The following RIC1 variants were observed in gnomAD, a reference collection of about 807,000 sequenced individuals.
RIC1 encodes guanine nucleotide exchange factor subunit RIC1.
In RIC1, 88 loss-of-function variants were observed where a neutral mutation model predicts 169.0. That is an observed-to-expected ratio of 0.52 (90% confidence interval 0.44 to 0.62). RIC1 has a LOEUF of 0.62. Among genes scored for constraint, RIC1 ranks in the 20% least tolerant of loss-of-function variants. RIC1 has a pLI of 0.00. For synonymous variants in RIC1, 790 were observed against 601.5 expected (o/e 1.31, Z -4.59); for missense variants, 1,877 against 1,725.5 (o/e 1.09, Z -1.56).
intron 8 of RIC1, among the ~76,000 whole-genome samples, chr9:5,740,022 A>G (rs754740479): frequency 5.9e-5 from 9 of 152,168 alleles, no homozygotes; most frequent in East Asian, 1.9e-4. Flanking sequence ...ACTCAGGGCA[A>G]TCTTAGCAGT....
chr9:5,667,363 T>C (rs971235339), intron 2 of RIC1, among the ~76,000 whole-genome samples: 11 of 152,162 alleles, frequency 7.2e-5, no homozygotes, highest in African/African-American at 2.7e-4. Context: ...TTCTTTATTG[T>C]TTTTCCATTC....
intron 3 of RIC1, among the ~76,000 whole-genome samples, chr9:5,706,659 C>T (rs567365834): frequency 1.3e-5 from 2 of 152,080 alleles, no homozygotes; most frequent in East Asian, 3.9e-4. Context: ...TGTTTTATTT[C>T]CTCGAGTCAG....
At chr9:5,745,848 A>G (rs1825344014) in intron 10 of RIC1, 83 bp from the exon 11 acceptor site, 2 of 1,201,830 alleles carry the variant, frequency 1.7e-6, no homozygotes, top group South Asian at 1.4e-5. Context: ...TGGCTATTTC[A>G]GAATTTGAAT....
rs531652096 is a variant in RIC1, at chr9:5,769,443, C to T, written c.3424+187C>T. The T allele has an allele frequency of 4.0e-6, 6 of 1,503,954 alleles. No homozygotes were observed. The African/African-American group carries it at 7.0e-5, about 17-fold the overall frequency. 93.2% of individuals were successfully genotyped at this position (1,503,954 alleles called of 1,614,324 possible). ...ACCAAAGATGTAAATAAAGTAGAAC[C>T]TATGTCTCTAAGTCTTGTGACCTTG... On this transcript the variant is annotated intron_variant, in intron 22 of 25. Coordinates refer to ENST00000414202, the MANE Select transcript of RIC1 (RefSeq NM_020829.4).
downstream of RIC1, among the ~76,000 whole-genome samples, chr9:5,778,417 C>T (rs1256179480): frequency 6.6e-6 from 1 of 152,146 alleles, no homozygotes; most frequent in East Asian, 1.9e-4. Flanking sequence ...TGGCTAGAGC[C>T]ACTAGTACAA....
chr9:5,641,664 C>T (rs1312464719), intron 1 of RIC1, among the ~76,000 whole-genome samples: 1 of 115,142 alleles, frequency 8.7e-6, no homozygotes, highest in Non-Finnish European at 1.7e-5. Context: ...GTCTCCAAGC[C>T]CACTAATTCT....
intron 3 of RIC1, among the ~76,000 whole-genome samples, chr9:5,693,687 T>A (rs1337195961): frequency 6.6e-6 from 1 of 152,176 alleles, no homozygotes; most frequent in Admixed American, 6.5e-5. Context: ...TGTTTAGCTT[T>A]AAAATGTGTT....
intron 1 of RIC1, among the ~76,000 whole-genome samples, chr9:5,641,565 C>T (rs534141215): frequency 6.6e-6 from 1 of 152,124 alleles, no homozygotes; most frequent in East Asian, 1.9e-4. Context: ...CTTATATTTG[C>T]CCTTTTCATG....
In RIC1 at chr9:5,776,508, A is replaced by T. The variant is rs938916370; in HGVS notation, c.*2262A>T. 1 of 152,086 alleles carries T rather than the reference A, an allele frequency of 6.6e-6. No homozygotes were observed. The highest frequency in any genetic ancestry group is 1.5e-5 in the Non-Finnish European group (1 of 67,958). The allele number at this position is 152,086 out of a possible 1,614,324, so 9.4% of individuals were successfully genotyped here. On this transcript the variant is annotated 3_prime_UTR_variant, in exon 26 of 26. Coordinates refer to ENST00000414202, the MANE Select transcript of RIC1 (RefSeq NM_020829.4). ...TAATTAAAGTTGCTGCTATTTCTGT[A>T]ATGTGTATTTTTCTCCCCTTGGTAA...
intron 17 of RIC1, among the ~76,000 whole-genome samples, 191 bp downstream of exon 17, chr9:5,757,642 C>G (rs910363382): frequency 6.6e-6 from 1 of 152,212 alleles, no homozygotes; most frequent in Admixed American, 6.5e-5. Flanking sequence ...TAATTACATA[C>G]ATAATGAATT....
At chr9:5,761,509 T>A (rs979560973) in intron 17 of RIC1, among the ~76,000 whole-genome samples, 1 of 152,194 alleles carries the variant, frequency 6.6e-6, no homozygotes, top group African/African-American at 2.4e-5. Flanking sequence ...AGAATTTTTT[T>A]TTATTTTTTC....
At chr9:5,637,461 A>G (rs990599513) in intron 1 of RIC1, among the ~76,000 whole-genome samples, 4 of 152,234 alleles carry the variant, frequency 2.6e-5, no homozygotes, top group South Asian at 2.1e-4. Context: ...TTCATGTTCC[A>G]AACAATCCAT....
chr9:5,747,972 G>C (rs1021945428), intron 12 of RIC1, among the ~76,000 whole-genome samples: 4 of 152,152 alleles, frequency 2.6e-5, no homozygotes, highest in Non-Finnish European at 5.9e-5. Flanking sequence ...GATCAGTAGA[G>C]AGCTTTATTG....
chr9:5,709,651 A>G (rs1822815795), intron 3 of RIC1, among the ~76,000 whole-genome samples: 1 of 152,166 alleles, frequency 6.6e-6, no homozygotes, highest in African/African-American at 2.4e-5. Context: ...TTCTAGCCTC[A>G]TCTTCTGTGA....
At chr9:5,645,385 G>A (rs1478019552) in intron 1 of RIC1, among the ~76,000 whole-genome samples, 1 of 152,168 alleles carries the variant, frequency 6.6e-6, no homozygotes, top group Non-Finnish European at 1.5e-5. Flanking sequence ...AGTTGTAAGA[G>A]TTCTTTATAT....
At chr9:5,655,463 G>C (rs527285254) in intron 1 of RIC1, among the ~76,000 whole-genome samples, 2 of 151,964 alleles carry the variant, frequency 1.3e-5, no homozygotes, top group Non-Finnish European at 2.9e-5. Context: ...ACCACACCGG[G>C]CTAATTTTTG....
At chr9:5,659,131 T>TA (rs1308744283) in intron 2 of RIC1, among the ~76,000 whole-genome samples, 2 of 152,138 alleles carry the variant, frequency 1.3e-5, no homozygotes, top group Non-Finnish European at 2.9e-5. Flanking sequence ...TGTTAAATGT[T>TA]ACAGTACAAT....
chr9:5,729,855 T>A (rs1195661842), intron 6 of RIC1, among the ~76,000 whole-genome samples: 2 of 152,106 alleles, frequency 1.3e-5, no homozygotes, highest in Non-Finnish European at 1.5e-5. Context: ...AACTCTTTTT[T>A]TTTTCCTATA....
At chr9:5,676,553 G>A (rs958395892) in intron 2 of RIC1, among the ~76,000 whole-genome samples, 2 of 152,066 alleles carry the variant, frequency 1.3e-5, no homozygotes, top group Non-Finnish European at 2.9e-5. Context: ...AAGAATACAT[G>A]GCTAATAATG....
Sources: gnomAD v4.1 joint callset for allele counts (sites outside exome capture counted in the v4.1 genomes callset) on GRCh38, gnomAD v4.1.1 for gene constraint, MANE v1.5 for transcripts, NCBI Gene and HGNC (gene_info 2026-07-23, HGNC 2026-07-21) for gene names.